Variants in SGSM2 observed in about 807,000 individuals in gnomAD.
SGSM2 encodes the protein small G protein signaling modulator 2, also known as RUN and TBC1 domain containing 1.
Under a neutral mutation model 126.6 loss-of-function variants are expected in SGSM2, and 89 were observed. The ratio of observed to expected loss-of-function variants is 0.70; its 90% CI spans 0.59 to 0.84. The LOEUF (loss-of-function observed/expected upper bound fraction) is 0.84, where lower values mean the gene tolerates loss of function less well. Ranked by LOEUF, SGSM2 falls within the 40% of genes least tolerant of loss-of-function variation. The pLI is 0.00. For synonymous variants in SGSM2, 614 were observed against 574.3 expected, an observed-to-expected ratio of 1.07 and a Z score of -0.99; for missense variants, 1,404 against 1,416.6, an observed-to-expected ratio of 0.99 and a Z score of 0.14.
At chr17:2,349,793 G>T (rs4790331) in intron 2 of SGSM2, among the ~76,000 whole-genome samples, 66,531 of 145,952 alleles carry the variant, frequency 0.46, 15,049 homozygotes, top group East Asian at 0.64. Flanking sequence ...GAAATGTTTT[G>T]TTTTTTTTTT....
chr17:2,343,660 A>G, intron 2 of SGSM2, 40 bp downstream of exon 2: 1 of 1,582,874 alleles, frequency 6.3e-7, no homozygotes, highest in Non-Finnish European at 8.7e-7. Flanking sequence ...GTCGGTCTAG[A>G]GCCGAGGACA....
Position 2,367,159 on chromosome 17 carries a change from C to A in SGSM2, c.1289-112C>A. The A allele has an allele frequency of 8.0e-7, 1 of 1,250,566 alleles. No homozygotes were observed. The highest frequency in any genetic ancestry group is 1.1e-6 in the Non-Finnish European group (1 of 916,204). 77.5% of individuals were successfully genotyped at this position (1,250,566 alleles called of 1,614,324 possible). On this transcript the variant is annotated intron_variant, in intron 11 of 23. Coordinates refer to ENST00000268989, the MANE Select transcript of SGSM2 (RefSeq NM_014853.3). The surrounding 1 kb of genome is among the most constrained non-coding windows in gnomAD (Gnocchi z 4.0). ...CCCCTCCCTTCCCCTCTTCTGTGCC[C>A]TGCAGATTCACGATGACCCCGGCCT...
rs148544625 is a variant in SGSM2 at position 2,362,214 on chromosome 17, G to A, written c.402G>A (p.Thr134=). 6.8e-6 allele frequency: 11 copies of A among 1,613,654 alleles called. No individual in the cohort carries two copies. The Middle Eastern group carries it at 6.6e-4, about 97-fold the overall frequency. ...CCTTGAAACACGTATGGGTACGCAC[G>A]GCGCTCATCGAGAAAGTTCTGGACA... ...PQALKHVWVR[T]ALIEKVLDKV... Residue 134 remains threonine, a synonymous_variant, in exon 4 of 24, where the codon ACG becomes ACA. Transcript: ENST00000268989. This position sits in a 1 kb window ranked among gnomAD's most constrained non-coding sequence, Gnocchi z 4.9.
Position 2,376,120 on chromosome 17 carries a change from G to C in SGSM2, c.2485-17G>C. 6.2e-7 allele frequency: 1 copy of C among 1,613,840 alleles called. No individual in the cohort carries two copies. The highest frequency in any genetic ancestry group is 8.5e-7 in the Non-Finnish European group (1 of 1,179,966). On this transcript the variant is annotated splice_polypyrimidine_tract_variant and intron_variant, in intron 18 of 23. Transcript: ENST00000268989. ...GGGCTGCCCGGTCTCATGCCTGAGG[G>C]CCCTCCACTCTTCCAGATAGAATTA...
At chr17:2,345,928 G>A (rs925713245) in intron 2 of SGSM2, among the ~76,000 whole-genome samples, 1 of 152,172 alleles carries the variant, frequency 6.6e-6, no homozygotes, top group African/African-American at 2.4e-5. Flanking sequence ...TGCCTGCAAA[G>A]CAGCTTCCTT....
chr17:2,345,495 C>T (rs1371671182), intron 2 of SGSM2, among the ~76,000 whole-genome samples: 1 of 150,576 alleles, frequency 6.6e-6, no homozygotes, highest in Non-Finnish European at 1.5e-5. Flanking sequence ...ACTCAGGAGG[C>T]TGAGGCAGGA....
rs752201225 is a variant in SGSM2 at position 2,375,837 on chromosome 17, G to A, written c.2446G>A (p.Gly816Arg). 18 of 1,537,790 alleles carry A rather than the reference G, an allele frequency of 1.2e-5. No homozygotes were observed. The highest frequency in any genetic ancestry group is 2.7e-5 in the African/African-American group (2 of 72,810). The change falls in exon 18 of 24, where the codon GGA becomes AGA. Residue 816 changes from glycine to arginine, a missense_variant. Coordinates refer to ENST00000268989, the MANE Select transcript of SGSM2 (RefSeq NM_014853.3). Reference sequence around the variant, plus strand: ...GCCTCAGGCCGGAGAACTGGAGGCCGGAGAGGAGCTTGCGGCTGTGTGTGC... The same window carrying A: ...GCCTCAGGCCGGAGAACTGGAGGCCAGAGAGGAGCTTGCGGCTGTGTGTGC... Reference protein sequence around the residue: ...EKPQAGELEAGEELAAVCAAA... With the variant: ...EKPQAGELEAREELAAVCAAA...
At position 2,361,596 on chromosome 17, in the gene SGSM2, G is replaced by A. The variant is rs781716821; in HGVS notation, c.134-41G>A. On this transcript the variant is annotated intron_variant, in intron 2 of 23. Transcript: ENST00000268989. ...GAGGAGCTTTTCTTCCTGCTCCCCC[G>A]TCTTTCCCAGGCTCAGATGCCGTTT... The A allele has an allele frequency of 2.6e-5, 42 of 1,603,966 alleles. No homozygotes were observed. In the Admixed American group the frequency reaches 4.3e-4, roughly 16 times the overall value.
At position 2,364,631 on chromosome 17, in the gene SGSM2, G is replaced by C; in HGVS notation, c.968G>C (p.Ser323Thr). ...GACTATGCCCTCGTGGTGCCCTTCA[G>C]CCAGGTCGTGTGCATCCACTGCCAC... is the stretch of plus-strand genomic sequence containing the variant. ...YWDYALVVPF[S>T]QVVCIHCHQQ... The change falls in exon 9 of 24, where the codon AGC becomes ACC. Residue 323 changes from serine (S) to threonine (T), a missense_variant. Coordinates refer to ENST00000268989, the MANE Select transcript of SGSM2 (RefSeq NM_014853.3). 1 of 1,614,214 alleles carries C rather than the reference G, an allele frequency of 6.2e-7. No individual in the cohort carries two copies. Among genetic ancestry groups the C allele is most frequent in the Non-Finnish European group, 8.5e-7 (1 of 1,180,030 alleles).
Position 2,337,579 on chromosome 17 carries a change from C to A in SGSM2, c.-110C>A, listed in dbSNP as rs1253039860. ...GGCGGCGGCGGCGGCGGGCCGGGAG[C>A]GCGGCGGGCGGGGGCTCCGCCTTGC... On this transcript the variant is annotated 5_prime_UTR_variant, in exon 1 of 24. Coordinates refer to ENST00000268989, the MANE Select transcript of SGSM2 (RefSeq NM_014853.3). The surrounding 1 kb of genome is among the most constrained non-coding windows in gnomAD (Gnocchi z 5.1). 3 of 640,590 alleles carry A rather than the reference C, an allele frequency of 4.7e-6. No homozygotes were observed. Among genetic ancestry groups the A allele is most frequent in the East Asian group, 1.0e-4 (1 of 9,592 alleles). The allele number at this position is 640,590 out of a possible 1,614,324, so 39.7% of individuals were successfully genotyped here.
Position 2,367,168 on chromosome 17 carries a change from C to G in SGSM2, c.1289-103C>G. On this transcript the variant is annotated intron_variant, in intron 11 of 23. Coordinates refer to ENST00000268989, the MANE Select transcript of SGSM2 (RefSeq NM_014853.3). The surrounding 1 kb of genome is among the most constrained non-coding windows in gnomAD (Gnocchi z 4.0). Reference sequence around the variant, plus strand: ...TCCCCTCTTCTGTGCCCTGCAGATTCACGATGACCCCGGCCTCCATTCCAC... The same window carrying G: ...TCCCCTCTTCTGTGCCCTGCAGATTGACGATGACCCCGGCCTCCATTCCAC... The G allele has an allele frequency of 7.6e-7, 1 of 1,324,148 alleles. No homozygotes were observed. Among genetic ancestry groups the G allele is most frequent in the Non-Finnish European group, 1.0e-6 (1 of 980,972 alleles). The allele number at this position is 1,324,148 out of a possible 1,614,324, so 82.0% of individuals were successfully genotyped here.
chr17:2,358,719 A>AG lies in SGSM2; in HGVS notation c.134-2918_134-2917insG, dbSNP rs397935605. The stretch of plus-strand genomic sequence containing the variant: ...AGAGTGAGACCCGGTCTCAAAAAAA[A>AG]CGGCTTCTTAATCTTTTTTGGGTCA... On this transcript the variant is annotated intron_variant, in intron 2 of 23. Transcript: ENST00000268989. Among the ~76,000 whole-genome samples the AG allele has an allele frequency of 1.3e-4, 19 of 151,624 alleles. No homozygotes were observed. The South Asian group carries it at 3.8e-3, about 30-fold the overall frequency.
chr17:2,371,029 A>G (rs2065841881), intron 12 of SGSM2, among the ~76,000 whole-genome samples: 1 of 130,488 alleles, frequency 7.7e-6, no homozygotes, highest in Admixed American at 7.7e-5. Context: ...TACCACATGC[A>G]GAAGGACGCC....
At chr17:2,366,551 T>TC (rs2065596176) in intron 11 of SGSM2, 1 of 152,242 alleles carries the variant, frequency 6.6e-6, no homozygotes, top group Non-Finnish European at 1.5e-5. Context: ...CACAGGGATG[T>TC]CCCCCCTTCC....
chr17:2,362,266 T>C lies in SGSM2; in HGVS notation c.454T>C (p.Cys152Arg). The C allele has an allele frequency of 6.2e-7, 1 of 1,609,236 alleles. No individual in the cohort carries two copies. Among genetic ancestry groups the C allele is most frequent in the Non-Finnish European group, 8.5e-7 (1 of 1,178,110 alleles). Residue 152 changes from cysteine (C) to arginine (R), a missense_variant, in exon 4 of 24, where the codon TGC becomes CGC. Coordinates refer to ENST00000268989, the MANE Select transcript of SGSM2 (RefSeq NM_014853.3). This position sits in a 1 kb window ranked among gnomAD's most constrained non-coding sequence, Gnocchi z 4.9. ...GGTCGTGCAATACCTGGCGGAAAACTGCAGGTGACCGCCCCGTTCCCCAAA... is the reference window on the plus strand; with the variant it reads ...GGTCGTGCAATACCTGGCGGAAAACCGCAGGTGACCGCCCCGTTCCCCAAA... ...DKVVQYLAEN[C>R]SKYYEKEALL...
intron 9 of SGSM2, 21 bp downstream of exon 9, chr17:2,364,684 G>A (rs1567827072): frequency 1.2e-6 from 2 of 1,613,978 alleles, no homozygotes; most frequent in East Asian, 2.2e-5. Flanking sequence ...CTTGTCCTCG[G>A]CTCGGGTGGG....
At position 2,337,811 on chromosome 17, in the gene SGSM2, G is replaced by T; in HGVS notation, c.57+66G>T. 4 of 1,284,390 alleles carry T rather than the reference G, an allele frequency of 3.1e-6. No homozygotes were observed. Among genetic ancestry groups the T allele is most frequent in the South Asian group, 1.6e-5 (1 of 62,248 alleles). The allele number at this position is 1,284,390 out of a possible 1,614,324, so 79.6% of individuals were successfully genotyped here. On this transcript the variant is annotated intron_variant, in intron 1 of 23. Transcript: ENST00000268989. The surrounding 1 kb of genome is among the most constrained non-coding windows in gnomAD (Gnocchi z 5.1). Reference sequence around the variant, plus strand: ...CCCGCGCGGCCCAGGGGGCAGAAAGGTCCGCGCCCACCCCCCGGCGCGGGC... The same window carrying T: ...CCCGCGCGGCCCAGGGGGCAGAAAGTTCCGCGCCCACCCCCCGGCGCGGGC...
chr17:2,340,165 A>G (rs1459541790), intron 1 of SGSM2, among the ~76,000 whole-genome samples: 3 of 150,674 alleles, frequency 2.0e-5, no homozygotes, highest in African/African-American at 7.3e-5. Flanking sequence ...GCCAGGCTGG[A>G]GTGCAGTGGT....
At chr17:2,378,205 G>C (rs1422072740) in intron 22 of SGSM2, among the ~76,000 whole-genome samples, 1 of 152,206 alleles carries the variant, frequency 6.6e-6, no homozygotes, top group Non-Finnish European at 1.5e-5. Flanking sequence ...GTCAAGGTGA[G>C]AGGATCGCTT....
Sources: allele counts gnomAD v4.1 joint callset (sites outside exome capture counted in the v4.1 genomes callset), GRCh38; gene constraint gnomAD v4.1.1; non-coding constraint Gnocchi (gnomAD v3.1); transcripts MANE v1.5; gene names NCBI Gene and HGNC (gene_info 2026-07-23, HGNC 2026-07-21).